CACNB2: variants seen among roughly 807,000 people sequenced by gnomAD.
CACNB2 encodes the protein calcium voltage-gated channel auxiliary subunit beta 2, also known as voltage-dependent L-type calcium channel subunit beta-2.
Under a neutral mutation model 73.3 loss-of-function variants are expected in CACNB2, and 42 were observed. That is an observed-to-expected ratio of 0.57 (90% confidence interval 0.45 to 0.74). The LOEUF (loss-of-function observed/expected upper bound fraction) is 0.74, where lower values mean the gene tolerates loss of function less well. CACNB2 is among the 30% of genes least tolerant of loss of function. The probability of loss-of-function intolerance (pLI) is 0.00; values close to 1 mark genes in which losing one functional copy is unlikely to be tolerated. For synonymous variants in CACNB2, 348 were observed against 310.3 expected (o/e 1.12, Z -1.28); for missense variants, 940 against 853.0 (o/e 1.10, Z -1.27).
chr10:18,233,497 G>A (rs890449764), intron 2 of CACNB2, among the ~76,000 whole-genome samples: 14 of 150,708 alleles, frequency 9.3e-5, no homozygotes, highest in African/African-American at 3.4e-4. Flanking sequence ...TTTTTGTTAG[G>A]TTAAAAAAAA....
rs1055704022 is a variant in CACNB2, at chr10:18,336,309, C to A, written c.214-65615C>A. On this transcript the variant is annotated intron_variant, in intron 2 of 13. Transcript: ENST00000324631. ...TAGATACAAGAACTGGTTAATACTC[C>A]CCAGAACAATAAAATGACGACTTAG... 2.6e-5 allele frequency among the ~76,000 whole-genome samples: 4 copies of A among 152,192 alleles called. No homozygotes were observed. The East Asian group carries it at 7.7e-4, about 29-fold the overall frequency.
At chr10:18,315,973 T>G (rs2131919353) in intron 2 of CACNB2, among the ~76,000 whole-genome samples, 1 of 152,258 alleles carries the variant, frequency 6.6e-6, no homozygotes, top group African/African-American at 2.4e-5. Flanking sequence ...GTTATGAGTT[T>G]TGAGTATTGT....
intron 2 of CACNB2, chr10:18,260,557 T>C (rs771856569): frequency 6.4e-5 from 63 of 985,942 alleles, no homozygotes; most frequent in Non-Finnish European, 7.6e-5. Flanking sequence ...GGACAAAGCA[T>C]CTGACGGTTT....
chr10:18,221,733 T>C (rs970905030), intron 2 of CACNB2, among the ~76,000 whole-genome samples: 7 of 152,214 alleles, frequency 4.6e-5, no homozygotes, highest in African/African-American at 1.7e-4. Flanking sequence ...AAAACCATTT[T>C]AAAAGACCTT....
intron 9 of CACNB2, among the ~76,000 whole-genome samples, chr10:18,519,252 T>C (rs1249277448): frequency 6.6e-6 from 1 of 152,216 alleles, no homozygotes; most frequent in Non-Finnish European, 1.5e-5. Context: ...TGGCCCTCTA[T>C]TGCTGCCCAG....
At chr10:18,352,939 T>C (rs1160500324) in intron 2 of CACNB2, among the ~76,000 whole-genome samples, 2 of 152,244 alleles carry the variant, frequency 1.3e-5, no homozygotes, top group Non-Finnish European at 2.9e-5. Flanking sequence ...AATTATAGAA[T>C]ACTTTAATAA....
intron 2 of CACNB2, among the ~76,000 whole-genome samples, chr10:18,200,344 T>C (rs572837054): frequency 1.3e-5 from 2 of 152,184 alleles, no homozygotes; most frequent in African/African-American, 4.8e-5. Flanking sequence ...CTGTAATCCA[T>C]ATATTGTACT....
intron 2 of CACNB2, among the ~76,000 whole-genome samples, chr10:18,367,390 G>A (rs968028292): frequency 1.3e-5 from 2 of 151,876 alleles, no homozygotes; most frequent in Non-Finnish European, 2.9e-5. Flanking sequence ...ATTTTTAAAA[G>A]GTTTTATAAG....
At position 18,473,842 on chromosome 10, in the gene CACNB2, A is replaced by G. The variant is rs528245403; in HGVS notation, c.334-24513A>G. 2.4e-4 allele frequency among the ~76,000 whole-genome samples: 36 copies of G among 152,276 alleles called. 1 individual carries two copies. The highest frequency in any genetic ancestry group is 8.2e-4 in the African/African-American group (34 of 41,566). ...TGAAAAATAATTCCCTAAGGTTTCA[A>G]TAGGGTTTTTCTTGTATCAGAACCA... On this transcript the variant is annotated intron_variant, in intron 3 of 13. Coordinates refer to ENST00000324631, the MANE Select transcript of CACNB2 (RefSeq NM_201596.3).
At chr10:18,430,366 T>G (rs2045826735) in intron 3 of CACNB2, among the ~76,000 whole-genome samples, 1 of 152,212 alleles carries the variant, frequency 6.6e-6, no homozygotes, top group African/African-American at 2.4e-5. Flanking sequence ...TCCTCTTTAG[T>G]TAAAATTGCA....
chr10:18,529,243 A>AT (rs145221977), intron 10 of CACNB2, among the ~76,000 whole-genome samples: 7,359 of 152,220 alleles, frequency 0.048, 274 homozygotes, highest in Non-Finnish European at 0.077. Context: ...GATTGCCAAG[A>AT]TTTTTTTTAC....
intron 6 of CACNB2, among the ~76,000 whole-genome samples, chr10:18,512,680 G>A (rs2050879189): frequency 6.6e-6 from 1 of 152,100 alleles, no homozygotes; most frequent in African/African-American, 2.4e-5. Context: ...TTTTGCCAAG[G>A]AGAAATAAGT....
chr10:18,266,225 T>C (rs886224954), intron 2 of CACNB2, among the ~76,000 whole-genome samples: 1 of 152,186 alleles, frequency 6.6e-6, no homozygotes, highest in African/African-American at 2.4e-5. Flanking sequence ...CTTCATTTTA[T>C]AGATGAGAAA....
At chr10:18,151,944 C>A (rs566111289) in intron 2 of CACNB2, among the ~76,000 whole-genome samples, 3 of 152,306 alleles carry the variant, frequency 2.0e-5, no homozygotes, top group South Asian at 2.1e-4. Context: ...AGATTCCACC[C>A]CTGCCCCCTG....
intron 2 of CACNB2, among the ~76,000 whole-genome samples, chr10:18,306,212 A>G (rs1331369437): frequency 6.6e-6 from 1 of 152,178 alleles, no homozygotes; most frequent in Non-Finnish European, 1.5e-5. Context: ...TGATGAAAGT[A>G]GAAACAAGCA....
intron 3 of CACNB2, among the ~76,000 whole-genome samples, chr10:18,465,946 G>T (rs527855265): frequency 3.3e-5 from 5 of 152,114 alleles, no homozygotes; most frequent in Non-Finnish European, 7.4e-5. Context: ...CTCCCAAAGT[G>T]CTGGGATTAC....
intron 2 of CACNB2, among the ~76,000 whole-genome samples, chr10:18,235,654 G>C (rs977514750): frequency 1.3e-5 from 2 of 152,306 alleles, no homozygotes; most frequent in South Asian, 2.1e-4. Flanking sequence ...CTCTCTGTCT[G>C]CCAACAGCCA....
At chr10:18,222,407 T>TACACACACACACACACAC (rs59165053) in intron 2 of CACNB2, among the ~76,000 whole-genome samples, 1 of 149,792 alleles carries the variant, frequency 6.7e-6, no homozygotes, top group Non-Finnish European at 1.5e-5. Flanking sequence ...CACACACACA[T>TACACACACACACACACAC]ACACACACAC....
intron 2 of CACNB2, among the ~76,000 whole-genome samples, chr10:18,190,763 G>A (rs1268205616): frequency 1.3e-5 from 2 of 152,178 alleles, no homozygotes; most frequent in South Asian, 2.1e-4. Context: ...GTGATGGGAA[G>A]TGGAGAGATG....
Sources: gnomAD v4.1 joint callset for allele counts (sites outside exome capture counted in the v4.1 genomes callset) on GRCh38, gnomAD v4.1.1 for gene constraint, MANE v1.5 for transcripts, NCBI Gene and HGNC (gene_info 2026-07-23, HGNC 2026-07-21) for gene names.